Variants in TLK2 observed in about 807,000 individuals in gnomAD.
TLK2 encodes the protein tousled like kinase 2, also known as serine/threonine-protein kinase tousled-like 2.
A neutral mutation model predicts 117.3 loss-of-function variants in TLK2; 6 were observed. The observed-to-expected ratio is 0.05, with a 90% confidence interval of 0.03 to 0.10. The LOEUF (loss-of-function observed/expected upper bound fraction) is 0.10. Among genes scored for constraint, TLK2 ranks in the 10% least tolerant of loss-of-function variants. The pLI, the probability that TLK2 is intolerant of heterozygous loss-of-function variation, is 1.00. For synonymous variants in TLK2, 257 were observed against 316.7 expected (o/e 0.81, Z 2.00); for missense variants, 299 against 901.2 (o/e 0.33, Z 8.56).
intron 12 of TLK2, among the ~76,000 whole-genome samples, chr17:62,575,915 C>G (rs887464108): frequency 6.6e-6 from 1 of 152,000 alleles, no homozygotes; most frequent in Non-Finnish European, 1.5e-5. Context: ...CCAGGCTGGT[C>G]TCAAACTCCT....
At chr17:62,608,223 G>C in intron 21 of TLK2, 75 bp downstream of exon 21, 1 of 1,120,176 alleles carries the variant, frequency 8.9e-7, no homozygotes, top group Non-Finnish European at 1.3e-6. Flanking sequence ...GGTAATAGTG[G>C]ATGGATTCTT....
intron 12 of TLK2, 39 bp downstream of exon 12, chr17:62,573,406 C>T (rs747104039): frequency 1.3e-6 from 2 of 1,599,606 alleles, no homozygotes; most frequent in Admixed American, 1.7e-5. Context: ...GACACCACAC[C>T]CTGCCCCCAA....
At chr17:62,534,603 A>G (rs1198780863) in intron 6 of TLK2, among the ~76,000 whole-genome samples, 3 of 152,060 alleles carry the variant, frequency 2.0e-5, no homozygotes, top group East Asian at 1.9e-4. Context: ...TTTAATTGTT[A>G]TAGTAATTTT....
At chr17:62,554,757 T>C (rs1224252951) in intron 9 of TLK2, among the ~76,000 whole-genome samples, 8 of 151,872 alleles carry the variant, frequency 5.3e-5, no homozygotes, top group Non-Finnish European at 1.2e-4. Flanking sequence ...GGTGTGTCTG[T>C]GGTCCCAGCT....
intron 2 of TLK2, among the ~76,000 whole-genome samples, chr17:62,518,968 TC>T (rs1358717991): frequency 6.6e-6 from 1 of 152,224 alleles, no homozygotes; most frequent in African/African-American, 2.4e-5. Flanking sequence ...CATTGCAACC[TC>T]TACTTCTCGG....
At chr17:62,577,093 G>C (rs558124013) in intron 13 of TLK2, among the ~76,000 whole-genome samples, 2 of 151,062 alleles carry the variant, frequency 1.3e-5, no homozygotes, top group East Asian at 4.0e-4. Context: ...CTCCTGACTA[G>C]CTGGGATTAC....
intron 2 of TLK2, among the ~76,000 whole-genome samples, chr17:62,498,924 G>A (rs1338666057): frequency 6.6e-6 from 1 of 152,008 alleles, no homozygotes; most frequent in Admixed American, 6.6e-5. Context: ...GTGCAGTGGC[G>A]CAGTCATGGC....
At chr17:62,486,671 A>T (rs1007690796) in intron 2 of TLK2, among the ~76,000 whole-genome samples, 32 of 152,324 alleles carry the variant, frequency 2.1e-4, no homozygotes, top group Admixed American at 3.9e-4. Context: ...CCTTGCATGC[A>T]TTGTTACTTG....
intron 9 of TLK2, among the ~76,000 whole-genome samples, chr17:62,554,270 CATAGTTT>C (rs2078684770): frequency 6.6e-6 from 1 of 152,162 alleles, no homozygotes; most frequent in African/African-American, 2.4e-5. Context: ...ATGACTGACT[CATAGTTT>C]TTAAAGAGTA....
At chr17:62,573,108 C>A in intron 11 of TLK2, 107 bp from the exon 12 acceptor site, 1 of 1,274,408 alleles carries the variant, frequency 7.8e-7, no homozygotes, top group Non-Finnish European at 1.1e-6. Flanking sequence ...CTTAAAGGGG[C>A]TTATTTTTTC....
chr17:62,506,007 C>G (rs1398646988), intron 2 of TLK2, among the ~76,000 whole-genome samples: 1 of 152,212 alleles, frequency 6.6e-6, no homozygotes, highest in Non-Finnish European at 1.5e-5. Flanking sequence ...CACTTTAATC[C>G]AAGTCAGTGT....
At position 62,548,240 on chromosome 17, in the gene TLK2, A is replaced by ATGTGTGTGTGTGTG. The variant is rs59375141; in HGVS notation, c.532-4040_532-4027dup. The stretch of plus-strand genomic sequence containing the variant: ...TTATCATTGGGCCATATATATATAT[A>ATGTGTGTGTGTGTG]TGTGTGTGTGTGTGTGTGTGTGTGT... On this transcript the variant is annotated intron_variant, in intron 7 of 21. Coordinates refer to ENST00000346027, the MANE Select transcript of TLK2 (RefSeq NM_006852.6). Among the ~76,000 whole-genome samples, 501 of 121,266 alleles carry ATGTGTGTGTGTGTG rather than the reference A, an allele frequency of 4.1e-3. 8 individuals carry two copies. Among genetic ancestry groups the ATGTGTGTGTGTGTG allele is most frequent in the Admixed American group, 0.021 (229 of 10,894 alleles). The allele number at this position is 121,266 out of a possible 152,430, so 79.6% of individuals were successfully genotyped here. A position where few individuals can be genotyped will look rare whatever the true frequency, so the allele number is the denominator to read the frequency against.
intron 6 of TLK2, among the ~76,000 whole-genome samples, chr17:62,530,494 A>G (rs2076669469): frequency 6.6e-6 from 1 of 152,200 alleles, no homozygotes. Context: ...AAAAATAAGA[A>G]TAAATTACCA....
At chr17:62,594,613 C>G (rs1345882253) in intron 16 of TLK2, among the ~76,000 whole-genome samples, 4 of 152,172 alleles carry the variant, frequency 2.6e-5, no homozygotes, top group African/African-American at 9.7e-5. Context: ...ACTTCTAATA[C>G]TAAACGTTGA....
intron 7 of TLK2, among the ~76,000 whole-genome samples, chr17:62,541,017 C>CG (rs1407855302): frequency 1.3e-5 from 2 of 152,150 alleles, no homozygotes; most frequent in Non-Finnish European, 2.9e-5. Flanking sequence ...GCTCTCACCT[C>CG]GGGGCCTTTG....
chr17:62,607,026 T>TA (rs2147266914), intron 20 of TLK2, among the ~76,000 whole-genome samples: 1 of 150,740 alleles, frequency 6.6e-6, no homozygotes, highest in East Asian at 1.9e-4. Context: ...TTTTTTTTTT[T>TA]TTTTCTATCT....
In TLK2 at chr17:62,600,661, G is replaced by A. The variant is rs765035872; in HGVS notation, c.1561G>A (p.Val521Ile). ...TTTATTTGTCTTTAGGTTTTGTACAGTATTAGAATACTGTGAGGGAAATGA... is the reference window on the plus strand; with the variant it reads ...TTTATTTGTCTTTAGGTTTTGTACAATATTAGAATACTGTGAGGGAAATGA... Reference protein sequence around the residue: ...FSLDTDSFCTVLEYCEGNDLD... With the variant: ...FSLDTDSFCTILEYCEGNDLD... Residue 521 changes from valine to isoleucine, a missense_variant, in exon 18 of 22, where the codon GTA (valine) becomes ATA (isoleucine). Physicochemically the swap from Val to Ile is conservative, Grantham distance 29 (BLOSUM62 3). This residue lies in a region of TLK2 where 81 missense variants were observed against 370.9 expected (regional missense o/e 0.22). Transcript: ENST00000346027. 8.7e-6 allele frequency: 14 copies of A among 1,608,806 alleles called. No individual in the cohort carries two copies. Among genetic ancestry groups the A allele is most frequent in the Non-Finnish European group, 1.0e-5 (12 of 1,178,890 alleles).
At chr17:62,516,796 G>T (rs2075633335) in intron 2 of TLK2, 2 of 1,364,050 alleles carry the variant, frequency 1.5e-6, no homozygotes, top group Non-Finnish European at 2.0e-6. Context: ...CGGGGCCGGG[G>T]CTGGAAAGCT....
chr17:62,578,368 C>G (rs564395513), intron 13 of TLK2, 109 bp from the exon 14 acceptor site: 2 of 799,648 alleles, frequency 2.5e-6, no homozygotes, highest in African/African-American at 1.7e-5. Context: ...ATGCAAAGCA[C>G]CTTCCTTTAG....
Sources: allele counts gnomAD v4.1 joint callset (sites outside exome capture counted in the v4.1 genomes callset), GRCh38; gene constraint gnomAD v4.1.1; regional missense constraint gnomAD v4.1.1; transcripts MANE v1.5; gene names NCBI Gene and HGNC (gene_info 2026-07-23, HGNC 2026-07-21).